Variants in CSMD1 observed in about 807,000 individuals in gnomAD.
CSMD1 encodes CUB and Sushi multiple domains 1, also known as CUB and sushi domain-containing protein 1.
A neutral mutation model predicts 417.5 loss-of-function variants in CSMD1; 213 were observed. The observed-to-expected ratio is 0.51, with a 90% CI of 0.46 to 0.57. The LOEUF (loss-of-function observed/expected upper bound fraction) is 0.57, where lower values mean the gene tolerates loss of function less well. CSMD1 is among the 20% of genes least tolerant of loss of function. The probability of loss-of-function intolerance (pLI) is 0.00; values close to 1 mark genes in which losing one functional copy is unlikely to be tolerated. For synonymous variants in CSMD1, 2,862 were observed against 1,736.8 expected, an observed-to-expected ratio of 1.65 and a Z score of -16.11; for missense variants, 6,923 against 4,529.7, an observed-to-expected ratio of 1.53 and a Z score of -15.17.
At chr8:4,352,929 A>T (rs927111534) in intron 3 of CSMD1, among the ~76,000 whole-genome samples, 34 of 152,240 alleles carry the variant, frequency 2.2e-4, no homozygotes, top group African/African-American at 8.0e-4. Context: ...AAATATTTAT[A>T]AGTAAATACG....
Position 3,800,756 on chromosome 8 carries a change from T to G in CSMD1, c.819-46714A>C, listed in dbSNP as rs529286801. ...AAAGATTAGTTTTGTTGAGGTAGTTTGTTTTTAAGCAAATTCCCTCCTCAT... is the reference window on the plus strand; with the variant it reads ...AAAGATTAGTTTTGTTGAGGTAGTTGGTTTTTAAGCAAATTCCCTCCTCAT... On this transcript the variant is annotated intron_variant, in intron 5 of 69. Coordinates refer to ENST00000635120, the MANE Select transcript of CSMD1 (RefSeq NM_033225.6). Among the ~76,000 whole-genome samples, 4 of 152,226 alleles carry G rather than the reference T, an allele frequency of 2.6e-5. No individual in the cohort carries two copies. In the South Asian group the frequency reaches 8.3e-4, roughly 32 times the overall value.
chr8:4,088,011 A>G (rs1260645921), intron 3 of CSMD1, among the ~76,000 whole-genome samples: 3 of 152,142 alleles, frequency 2.0e-5, no homozygotes, highest in East Asian at 1.9e-4. Flanking sequence ...CTTTATTAGA[A>G]TATCATTTCT....
intron 7 of CSMD1, among the ~76,000 whole-genome samples, chr8:3,627,115 C>A (rs1796530150): frequency 6.6e-6 from 1 of 152,024 alleles, no homozygotes; most frequent in Non-Finnish European, 1.5e-5. Flanking sequence ...CTATCAATAA[C>A]TCCATTTGAT....
At position 3,675,768 on chromosome 8, in the gene CSMD1, T is replaced by C. The variant is rs539924703; in HGVS notation, c.1009+32646A>G. 4.6e-4 allele frequency among the ~76,000 whole-genome samples: 70 copies of C among 152,310 alleles called. 1 individual carries two copies. In the South Asian group the frequency reaches 0.014, roughly 31 times the overall value. ...CAGTCTCAAAACTGTGAGAAATATA[T>C]GTCTGTTGTTTAAGCTGCCCAGTCT... On this transcript the variant is annotated intron_variant, in intron 7 of 69. Transcript: ENST00000635120.
In CSMD1 at chr8:4,572,664, G is replaced by C. The variant is rs1169958781; in HGVS notation, c.302+64678C>G. On this transcript the variant is annotated intron_variant, in intron 2 of 69. Coordinates refer to ENST00000635120, the MANE Select transcript of CSMD1 (RefSeq NM_033225.6). Reference sequence around the variant, plus strand: ...ATTTCCTGAATTTGAATGTTGGCCTGTCTTGCTAGAGTGAGGAAGATCTCC... The same window carrying C: ...ATTTCCTGAATTTGAATGTTGGCCTCTCTTGCTAGAGTGAGGAAGATCTCC... Among the ~76,000 whole-genome samples, 5 of 152,308 alleles carry C rather than the reference G, an allele frequency of 3.3e-5. No individual in the cohort carries two copies. The East Asian group carries it at 5.8e-4, about 18-fold the overall frequency.
At chr8:4,638,754 G>C (rs1011398513) in intron 1 of CSMD1, among the ~76,000 whole-genome samples, 3 of 152,172 alleles carry the variant, frequency 2.0e-5, no homozygotes, top group Non-Finnish European at 2.9e-5. Context: ...TCACCCTGAG[G>C]GTTTAGGATT....
chr8:3,957,030 C>G (rs893640001), intron 5 of CSMD1, among the ~76,000 whole-genome samples: 1 of 151,538 alleles, frequency 6.6e-6, no homozygotes, highest in Non-Finnish European at 1.5e-5. Flanking sequence ...AGTGACAGGC[C>G]TATCTCAGAA....
chr8:3,549,001 C>T (rs1478681371), intron 10 of CSMD1, among the ~76,000 whole-genome samples: 1 of 152,022 alleles, frequency 6.6e-6, no homozygotes, highest in African/African-American at 2.4e-5. Context: ...ACCTGGGTTT[C>T]CTCACCCTCT....
intron 3 of CSMD1, among the ~76,000 whole-genome samples, chr8:4,170,485 C>A (rs551182280): frequency 6.6e-6 from 1 of 151,852 alleles, no homozygotes; most frequent in Non-Finnish European, 1.5e-5. Context: ...TTCCTTCTGA[C>A]TGTAATGAGA....
chr8:4,578,761 C>A (rs1190660769), intron 2 of CSMD1, among the ~76,000 whole-genome samples: 3 of 144,588 alleles, frequency 2.1e-5, no homozygotes, highest in African/African-American at 7.9e-5. Context: ...TTGCAGTGAG[C>A]TGAAATCGTG....
intron 7 of CSMD1, among the ~76,000 whole-genome samples, chr8:3,671,833 C>A (rs534316270): frequency 6.6e-6 from 1 of 151,944 alleles, no homozygotes; most frequent in Non-Finnish European, 1.5e-5. Context: ...TGAGCAATGA[C>A]TTGAAAGCAG....
chr8:3,717,054 G>C (rs1412479439), intron 6 of CSMD1, among the ~76,000 whole-genome samples: 1 of 152,160 alleles, frequency 6.6e-6, no homozygotes, highest in African/African-American at 2.4e-5. Flanking sequence ...AGGGTTTGCT[G>C]TGGTGAAGTC....
chr8:4,161,508 A>C (rs1797166211), intron 3 of CSMD1, among the ~76,000 whole-genome samples: 1 of 152,186 alleles, frequency 6.6e-6, no homozygotes, highest in Admixed American at 6.5e-5. Context: ...AAAAGGACTG[A>C]ACCCAAGCTG....
At chr8:3,947,650 TAC>T (rs1276910822) in intron 5 of CSMD1, among the ~76,000 whole-genome samples, 1 of 152,208 alleles carries the variant, frequency 6.6e-6, no homozygotes, top group African/African-American at 2.4e-5. Context: ...GTTATCAATT[TAC>T]AGTTTAATTA....
chr8:4,732,193 C>G (rs550721553), intron 1 of CSMD1, among the ~76,000 whole-genome samples: 40 of 152,262 alleles, frequency 2.6e-4, no homozygotes, highest in African/African-American at 8.9e-4. Context: ...AGACCGCAGA[C>G]AAGAACTCAG....
chr8:4,813,347 GA>G (rs564910038), intron 1 of CSMD1, among the ~76,000 whole-genome samples: 2,293 of 149,536 alleles, frequency 0.015, 30 homozygotes, highest in Non-Finnish European at 0.02. Context: ...TAAGATTCTG[GA>G]AAAAAAAAAT....
intron 1 of CSMD1, among the ~76,000 whole-genome samples, chr8:4,722,617 A>G (rs551727740): frequency 2.6e-5 from 4 of 152,274 alleles, no homozygotes; most frequent in South Asian, 4.1e-4. Context: ...TACAGGGTGC[A>G]TAAGTCCACA....
intron 25 of CSMD1, among the ~76,000 whole-genome samples, chr8:3,292,147 T>G (rs755023001): frequency 4.6e-5 from 7 of 152,228 alleles, no homozygotes; most frequent in Non-Finnish European, 8.8e-5. Flanking sequence ...TTGAATGAGT[T>G]TCTTTATCTT....
intron 1 of CSMD1, among the ~76,000 whole-genome samples, chr8:4,754,412 G>A (rs943937128): frequency 6.6e-6 from 1 of 152,074 alleles, no homozygotes; most frequent in Non-Finnish European, 1.5e-5. Context: ...TCCCAACTGG[G>A]TCACATACAA....
Sources: gnomAD v4.1 joint callset for allele counts (sites outside exome capture counted in the v4.1 genomes callset) on GRCh38, gnomAD v4.1.1 for gene constraint, MANE v1.5 for transcripts, NCBI Gene and HGNC (gene_info 2026-07-23, HGNC 2026-07-21) for gene names.